The following MCM3AP variants were observed in gnomAD, a reference collection of about 807,000 sequenced individuals.
MCM3AP encodes germinal-center associated nuclear protein.
Under a neutral mutation model 184.1 loss-of-function variants are expected in MCM3AP, and 126 were observed. The ratio of observed to expected loss-of-function variants is 0.68; its 90% CI spans 0.59 to 0.79. The LOEUF is 0.79. Among genes scored for constraint, MCM3AP ranks in the 30% least tolerant of loss-of-function variants. The probability of loss-of-function intolerance (pLI) is 0.00; values close to 1 mark genes in which losing one functional copy is unlikely to be tolerated. For synonymous variants in MCM3AP, 1,002 were observed against 979.3 expected (o/e 1.02, Z -0.43); for missense variants, 2,496 against 2,479.2 (o/e 1.01, Z -0.14).
chr21:46,272,929 T>G, intron 7 of MCM3AP, 100 bp from the exon 8 acceptor site: 1 of 1,176,740 alleles, frequency 8.5e-7, no homozygotes, highest in Admixed American at 2.5e-5. Flanking sequence ...CTTTTCAATT[T>G]GAAACAAAGC....
chr21:46,274,745 G>A (rs140830255), intron 6 of MCM3AP, among the ~76,000 whole-genome samples: 6 of 151,960 alleles, frequency 3.9e-5, no homozygotes, highest in African/African-American at 1.5e-4. Flanking sequence ...GGACCAGCCT[G>A]GGCAACACGG....
intron 8 of MCM3AP, 72 bp from the exon 9 acceptor site, chr21:46,270,635 C>G: frequency 1.5e-6 from 2 of 1,306,602 alleles, no homozygotes; most frequent in Non-Finnish European, 2.1e-6. Flanking sequence ...GAAGATAGAT[C>G]TGATAAATAA....
intron 20 of MCM3AP, chr21:46,247,123 CTT>C (rs35214687): frequency 0.02 from 7,389 of 372,930 alleles, no homozygotes; most frequent in Middle Eastern, 0.031. Flanking sequence ...TCCCCTCAAC[CTT>C]TTTTTTTTTT....
At chr21:46,262,296 T>G (rs2145667841) in intron 13 of MCM3AP, among the ~76,000 whole-genome samples, 1 of 152,310 alleles carries the variant, frequency 6.6e-6, no homozygotes, top group Middle Eastern at 3.4e-3. Flanking sequence ...ATTTACTAAC[T>G]CATTTTATGA....
At position 46,266,021 on chromosome 21, in the gene MCM3AP, G is replaced by T. The variant is rs924835061; in HGVS notation, c.2935C>A (p.Pro979Thr). ...GPLPPVPRHT[P>T]VCSFNSQNKY... is the part of the protein sequence containing the mutation. ...TTCTGGGAGTTGAAGCTGCACACAG[G>T]GGTATGACGAGGGACGGGGGGCAAT... is the stretch of plus-strand genomic sequence containing the variant. Residue 979 changes from proline to threonine, a missense_variant, in exon 11 of 28, where the codon CCT (proline) becomes ACT (threonine). Transcript: ENST00000291688. 22 of 1,611,380 alleles carry T rather than the reference G, an allele frequency of 1.4e-5. No individual in the cohort carries two copies. The highest frequency in any genetic ancestry group is 1.8e-5 in the Non-Finnish European group (21 of 1,178,840).
intron 17 of MCM3AP, 117 bp from the exon 18 acceptor site, chr21:46,254,961 G>A (rs1340132771): frequency 2.7e-6 from 2 of 741,812 alleles, no homozygotes; most frequent in Non-Finnish European, 4.9e-6. Context: ...AATGAAACGG[G>A]TTAGAGGATT....
chr21:46,246,716 C>T lies in MCM3AP; in HGVS notation c.4461G>A (p.Leu1487=). The change falls in exon 21 of 28, where the codon CTG becomes CTA. Residue 1487 remains leucine (L), a synonymous_variant. Coordinates refer to ENST00000291688, the MANE Select transcript of MCM3AP (RefSeq NM_003906.5). The part of the protein sequence containing the change: ...LSALLQLKQL[L]QAKPFQPALP... ...GCGCAGGCTGGAAGGGCTTAGCCTG[C>T]AGGAGCTGCTTGAGCTGCAGCAAGG... The T allele has an allele frequency of 6.2e-7, 1 of 1,614,260 alleles. No individual in the cohort carries two copies. Among genetic ancestry groups the T allele is most frequent in the Non-Finnish European group, 8.5e-7 (1 of 1,180,034 alleles).
intron 6 of MCM3AP, 46 bp from the exon 7 acceptor site, chr21:46,273,631 G>T: frequency 6.5e-7 from 1 of 1,530,398 alleles, no homozygotes. Flanking sequence ...GCATACCTTG[G>T]GCCAGGCATA....
At chr21:46,253,528 A>C (rs2080903515) in intron 19 of MCM3AP, 1 of 152,254 alleles carries the variant, frequency 6.6e-6, no homozygotes, top group Non-Finnish European at 1.5e-5. Flanking sequence ...TTCTCATGAT[A>C]GTGAGCTCTC....
At position 46,270,438 on chromosome 21, in the gene MCM3AP, TAAG is replaced by T; in HGVS notation, c.2588_2590del (p.Ser863del). On this transcript the variant is annotated inframe_deletion, in exon 9 of 28. Transcript: ENST00000291688. ...ACAGTGTAAAAGACAAGCGTTCAGG[TAAG>T]AAGCTGACTGGACCAGTTTGAAAAA... 3 of 1,613,886 alleles carry T rather than the reference TAAG, an allele frequency of 1.9e-6. No homozygotes were observed. The highest frequency in any genetic ancestry group is 2.5e-6 in the Non-Finnish European group (3 of 1,179,936).
At position 46,284,004 on chromosome 21, in the gene MCM3AP, C is replaced by T. The variant is rs1053968493; in HGVS notation, c.1219+64G>A. On this transcript the variant is annotated intron_variant, in intron 1 of 27. Coordinates refer to ENST00000291688, the MANE Select transcript of MCM3AP (RefSeq NM_003906.5). ...TTATCTGAAAAATCAAGCTAACACC[C>T]AGAGAAACGTATTGAAAACCTGCCT... 105 of 1,559,830 alleles carry T rather than the reference C, an allele frequency of 6.7e-5. No individual in the cohort carries two copies. In the African/African-American group the frequency reaches 1.3e-3, roughly 19 times the overall value.
Position 46,261,305 on chromosome 21 carries a change from C to G in MCM3AP, c.3442G>C (p.Glu1148Gln). ...VSKERERREQERQRAEEERLK... is the reference protein window; with the variant it reads ...VSKERERREQQRQRAEEERLK... ...CTTTCCTCTTCAGCCCGCTGCCTCT[C>G]CTGCTCCCTTCGCTCTCTTTCCTTA... The change falls in exon 14 of 28, where the codon GAG (glutamate) becomes CAG (glutamine). Residue 1148 changes from glutamate to glutamine, a missense_variant. Physicochemically the swap from Glu to Gln is conservative, Grantham distance 29. Coordinates refer to ENST00000291688, the MANE Select transcript of MCM3AP (RefSeq NM_003906.5). The G allele has an allele frequency of 6.2e-7, 1 of 1,614,188 alleles. No homozygotes were observed. Among genetic ancestry groups the G allele is most frequent in the Non-Finnish European group, 8.5e-7 (1 of 1,180,042 alleles).
chr21:46,274,601 T>C (rs1354794022), intron 6 of MCM3AP, among the ~76,000 whole-genome samples: 1 of 151,994 alleles, frequency 6.6e-6, no homozygotes, highest in East Asian at 1.9e-4. Context: ...CTCGAATGTG[T>C]AAAACATAAG....
At position 46,285,152 on chromosome 21, in the gene MCM3AP, T is replaced by A; in HGVS notation, c.135A>T (p.Leu45Phe). The A allele has an allele frequency of 1.2e-6, 2 of 1,614,158 alleles. No homozygotes were observed. Among genetic ancestry groups the A allele is most frequent in the Non-Finnish European group, 1.7e-6 (2 of 1,180,028 alleles). Residue 45 changes from leucine (L) to phenylalanine (F), a missense_variant, in exon 1 of 28, where the codon TTA (leucine) becomes TTT (phenylalanine). Physicochemically the swap from Leu to Phe is conservative, Grantham distance 22. This residue lies in a region of MCM3AP where 800 missense variants were observed against 717.1 expected (regional missense o/e 1.12). Transcript: ENST00000291688. ...GTGAAAATCCCGAGCTCTTCCCAGA[T>A]AAGGTACTGTTTTGTCCAAAAAGAG... is the stretch of plus-strand genomic sequence containing the variant. ...QPSLFGQNST[L>F]SGKSSGFSQV...
rs2839170 is a variant in MCM3AP, at chr21:46,251,391, A to T, written c.4290+138T>A. 12 of 676,746 alleles carry T rather than the reference A, an allele frequency of 1.8e-5. No homozygotes were observed. The South Asian group carries it at 3.5e-4, about 20-fold the overall frequency. 41.9% of individuals were successfully genotyped at this position (676,746 alleles called of 1,614,324 possible). ...TTTTAAACGACATGTACGGACAGACATAATACTTGCTTCTGAGCCTCCCAG... is the reference window on the plus strand; with the variant it reads ...TTTTAAACGACATGTACGGACAGACTTAATACTTGCTTCTGAGCCTCCCAG... On this transcript the variant is annotated intron_variant, in intron 20 of 27. Transcript: ENST00000291688.
intron 15 of MCM3AP, 144 bp from the exon 16 acceptor site, chr21:46,259,235 C>A: frequency 1.4e-6 from 1 of 693,510 alleles, no homozygotes; most frequent in South Asian, 2.0e-5. Flanking sequence ...GCGGGTGGAT[C>A]ATGAGGTCAA....
chr21:46,254,763 C>T lies in MCM3AP; in HGVS notation c.4001+13G>A. ...TCACCAGGGGGTGCGCAGAAGGGTGCAGCATGACAGACCTCAGCAGCTGCT... is the reference window on the plus strand; with the variant it reads ...TCACCAGGGGGTGCGCAGAAGGGTGTAGCATGACAGACCTCAGCAGCTGCT... On this transcript the variant is annotated intron_variant, in intron 18 of 27. Transcript: ENST00000291688. 1 of 1,611,512 alleles carries T rather than the reference C, an allele frequency of 6.2e-7. No individual in the cohort carries two copies. The highest frequency in any genetic ancestry group is 8.5e-7 in the Non-Finnish European group (1 of 1,177,932).
intron 9 of MCM3AP, among the ~76,000 whole-genome samples, chr21:46,268,730 G>A (rs902854225): frequency 6.6e-6 from 1 of 152,214 alleles, no homozygotes; most frequent in Non-Finnish European, 1.5e-5. Flanking sequence ...AAAAATACCC[G>A]AATATCTCTT....
intron 6 of MCM3AP, 40 bp downstream of exon 6, chr21:46,275,146 G>A (rs779270036): frequency 3.1e-5 from 49 of 1,582,170 alleles, no homozygotes; most frequent in South Asian, 1.4e-4. Context: ...AAGCAGCCCC[G>A]TCCCCTGCCC....
Sources: gnomAD v4.1 joint callset for allele counts (sites outside exome capture counted in the v4.1 genomes callset) on GRCh38, gnomAD v4.1.1 for gene constraint, gnomAD v4.1.1 regional missense constraint, MANE v1.5 for transcripts, NCBI Gene and HGNC (gene_info 2026-07-23, HGNC 2026-07-21) for gene names.